Variants in FGFR1 observed in about 807,000 individuals in gnomAD.
The protein encoded by FGFR1 is fibroblast growth factor receptor 1.
Under a neutral mutation model 93.7 loss-of-function variants are expected in FGFR1, and 18 were observed. The ratio of observed to expected loss-of-function variants is 0.19; its 90% confidence interval spans 0.13 to 0.28. The LOEUF (loss-of-function observed/expected upper bound fraction) is 0.28. Among genes scored for constraint, FGFR1 ranks in the 10% least tolerant of loss-of-function variants. The probability of loss-of-function intolerance (pLI) is 1.00; values close to 1 mark genes in which losing one functional copy is unlikely to be tolerated. For synonymous variants in FGFR1, 448 were observed against 429.3 expected (o/e 1.04, Z -0.54); for missense variants, 731 against 1,080.4 (o/e 0.68, Z 4.53).
At chr8:38,458,954 G>A (rs1053574162) in intron 1 of FGFR1, 9 of 219,586 alleles carry the variant, frequency 4.1e-5, no homozygotes, top group African/African-American at 1.6e-4. Context: ...GGGGCAAGGG[G>A]GCCTGGGAGG....
chr8:38,443,735 GT>G (rs1431745192), intron 2 of FGFR1, among the ~76,000 whole-genome samples: 2 of 151,692 alleles, frequency 1.3e-5, no homozygotes, highest in Non-Finnish European at 2.9e-5. Flanking sequence ...TTAATTTTAT[GT>G]TACATATATT....
chr8:38,449,089 G>A (rs1020207447), intron 2 of FGFR1, among the ~76,000 whole-genome samples: 1 of 151,692 alleles, frequency 6.6e-6, no homozygotes, highest in East Asian at 1.9e-4. Context: ...GCAACAGAGC[G>A]AGACTAGGTC....
At chr8:38,422,942 C>G (rs1230872291) in intron 7 of FGFR1, 2 of 737,412 alleles carry the variant, frequency 2.7e-6, no homozygotes, top group South Asian at 1.5e-5. Context: ...AAGGACAGTC[C>G]AGTACTGGCT....
intron 9 of FGFR1, 99 bp from the exon 10 acceptor site, chr8:38,418,472 G>T: frequency 2.2e-6 from 3 of 1,368,604 alleles, no homozygotes; most frequent in South Asian, 2.5e-5. Context: ...AGAGGCACAT[G>T]TCTGTGTATC....
At chr8:38,431,312 G>T (rs574841102) in intron 2 of FGFR1, among the ~76,000 whole-genome samples, 1 of 152,118 alleles carries the variant, frequency 6.6e-6, no homozygotes, top group Non-Finnish European at 1.5e-5. Flanking sequence ...TGGGTTAGGT[G>T]CCCTCCCCCT....
chr8:38,464,695 T>C (rs1465882873), intron 1 of FGFR1, among the ~76,000 whole-genome samples: 1 of 152,140 alleles, frequency 6.6e-6, no homozygotes, highest in Non-Finnish European at 1.5e-5. Context: ...GGAAGACAAA[T>C]GTAAGACACA....
chr8:38,464,446 G>C (rs1441836795), intron 1 of FGFR1, among the ~76,000 whole-genome samples: 1 of 152,102 alleles, frequency 6.6e-6, no homozygotes, highest in Non-Finnish European at 1.5e-5. Context: ...TCATCCATGT[G>C]AGGGCTATTA....
At chr8:38,449,211 T>C (rs1830323593) in intron 2 of FGFR1, among the ~76,000 whole-genome samples, 2 of 152,236 alleles carry the variant, frequency 1.3e-5, no homozygotes, top group South Asian at 4.1e-4. Context: ...AGCTTTAATC[T>C]AAACCCAAGC....
In FGFR1 at chr8:38,413,835, C is replaced by T. The variant is rs2150513898; in HGVS notation, c.2293-31G>A. The T allele has an allele frequency of 6.2e-7, 1 of 1,613,806 alleles. No homozygotes were observed. Among genetic ancestry groups the T allele is most frequent in the Non-Finnish European group, 8.5e-7 (1 of 1,179,836 alleles). ...ATGGGCGAGAGGAAGCAGCGATGGG[C>T]CGGGCCCCTCCTCCCTGCTCAGGGA... On this transcript the variant is annotated intron_variant, in intron 17 of 17. Coordinates refer to ENST00000447712, the MANE Select transcript of FGFR1 (RefSeq NM_023110.3). This position sits in a 1 kb window ranked among gnomAD's most constrained non-coding sequence, Gnocchi z 4.2.
At chr8:38,445,292 C>T (rs1023905293) in intron 2 of FGFR1, among the ~76,000 whole-genome samples, 1 of 152,196 alleles carries the variant, frequency 6.6e-6, no homozygotes, top group Non-Finnish European at 1.5e-5. Context: ...TGCTTCTCCT[C>T]TTCACCCGTT....
chr8:38,450,602 A>T (rs1830747467), intron 2 of FGFR1, among the ~76,000 whole-genome samples: 1 of 152,106 alleles, frequency 6.6e-6, no homozygotes, highest in Non-Finnish European at 1.5e-5. Flanking sequence ...AGGCTCCCAA[A>T]GAATCCCTGA....
Position 38,411,726 on chromosome 8 carries a change from A to C in FGFR1, c.*1902T>G, listed in dbSNP as rs1479136191. 3 of 231,206 alleles carry C rather than the reference A, an allele frequency of 1.3e-5. No homozygotes were observed. The highest frequency in any genetic ancestry group is 2.6e-5 in the Non-Finnish European group (3 of 116,578). The allele number at this position is 231,206 out of a possible 1,614,324, so 14.3% of individuals were successfully genotyped here. ...GAGCCAGAATCCACTTAGTGAGGAC[A>C]GTGATGACCAGCAGGTGGCAGAAGT... On this transcript the variant is annotated 3_prime_UTR_variant, in exon 18 of 18. Transcript: ENST00000447712.
At chr8:38,425,322 T>C (rs1322483563) in intron 6 of FGFR1, among the ~76,000 whole-genome samples, 1 of 151,994 alleles carries the variant, frequency 6.6e-6, no homozygotes, top group Non-Finnish European at 1.5e-5. Context: ...AATTTTTAAA[T>C]TTTTTTATAG....
chr8:38,461,026 G>A (rs1834276172), intron 1 of FGFR1: 2 of 1,523,064 alleles, frequency 1.3e-6, no homozygotes, highest in Non-Finnish European at 1.8e-6. Context: ...GCATGCAGAG[G>A]TCCTCGGTGG....
rs1586063864 is a variant in FGFR1 at position 38,412,368 on chromosome 8, A to G, written c.*1260T>C. The G allele has an allele frequency of 4.3e-6, 1 of 232,330 alleles. No homozygotes were observed. The highest frequency in any genetic ancestry group is 1.8e-4 in the South Asian group (1 of 5,532). The allele number at this position is 232,330 out of a possible 1,614,324, so 14.4% of individuals were successfully genotyped here. A position where few individuals can be genotyped will look rare whatever the true frequency, so the allele number is the denominator to read the frequency against. Reference sequence around the variant, plus strand: ...CCCTTGCTTTCCTCTTAATCACTGTAGCTCTACCCCGTGGCTATTCCTAGG... The same window carrying G: ...CCCTTGCTTTCCTCTTAATCACTGTGGCTCTACCCCGTGGCTATTCCTAGG... On this transcript the variant is annotated 3_prime_UTR_variant, in exon 18 of 18. Transcript: ENST00000447712.
intron 2 of FGFR1, among the ~76,000 whole-genome samples, chr8:38,443,116 C>T (rs908515994): frequency 1.3e-5 from 2 of 152,102 alleles, no homozygotes; most frequent in African/African-American, 4.8e-5. Flanking sequence ...GGGGAGTTAG[C>T]GTTGAACAGG....
chr8:38,414,985 C>A, intron 13 of FGFR1, 84 bp from the exon 14 acceptor site: 1 of 1,113,646 alleles, frequency 9.0e-7, no homozygotes, highest in Non-Finnish European at 1.3e-6. Flanking sequence ...TGCAACTAGC[C>A]GACTTGTCTC....
intron 1 of FGFR1, chr8:38,458,759 TC>T (rs1264800171): frequency 1.4e-5 from 3 of 219,616 alleles, no homozygotes; most frequent in Non-Finnish European, 2.7e-5. Context: ...CTGGGTACTT[TC>T]TTTTTGTCTC....
In FGFR1 at chr8:38,414,035, C is replaced by A. The variant is rs2150524750; in HGVS notation, c.2187-12G>T. 6.2e-7 allele frequency: 1 copy of A among 1,613,920 alleles called. No individual in the cohort carries two copies. The highest frequency in any genetic ancestry group is 8.5e-7 in the Non-Finnish European group (1 of 1,179,888). ...GCATCATCATGTACCTGCGGCAGGA[C>A]TGTAAGGTCAGGGACGTCTCCTGGA... On this transcript the variant is annotated splice_polypyrimidine_tract_variant and intron_variant, in intron 16 of 17. Coordinates refer to ENST00000447712, the MANE Select transcript of FGFR1 (RefSeq NM_023110.3).
Sources: gnomAD v4.1 joint callset for allele counts (sites outside exome capture counted in the v4.1 genomes callset) on GRCh38, gnomAD v4.1.1 for gene constraint, Gnocchi (gnomAD v3.1) non-coding constraint, MANE v1.5 for transcripts, NCBI Gene and HGNC (gene_info 2026-07-23, HGNC 2026-07-21) for gene names.